The following TRIM2 variants were observed in gnomAD, a reference collection of about 807,000 sequenced individuals.
TRIM2 encodes tripartite motif-containing protein 2.
A neutral mutation model predicts 75.2 loss-of-function variants in TRIM2; 20 were observed. The ratio of observed to expected loss-of-function variants is 0.27; its 90% CI spans 0.19 to 0.39. The LOEUF (loss-of-function observed/expected upper bound fraction) is 0.39, where lower values mean the gene tolerates loss of function less well. Ranked by LOEUF, TRIM2 falls within the 10% of genes least tolerant of loss-of-function variation. The pLI is 1.00. For missense variants in TRIM2, 660 were observed against 990.8 expected, an observed-to-expected ratio of 0.67 and a Z score of 4.48; for synonymous variants, 373 against 388.3, an observed-to-expected ratio of 0.96 and a Z score of 0.46.
chr4:153,311,732 T>TC (rs2150223083), intron 6 of TRIM2, among the ~76,000 whole-genome samples: 1 of 151,348 alleles, frequency 6.6e-6, no homozygotes, highest in African/African-American at 2.4e-5. Flanking sequence ...ATCAATTTTT[T>TC]TTTTTTTTTG....
intron 1 of TRIM2, among the ~76,000 whole-genome samples, chr4:153,225,254 A>G (rs1037348719): frequency 6.6e-6 from 1 of 152,196 alleles, no homozygotes; most frequent in Non-Finnish European, 1.5e-5. Context: ...ATTCCCAAAG[A>G]CAGCTTTAGC....
chr4:153,279,871 A>G (rs193075212), intron 3 of TRIM2, among the ~76,000 whole-genome samples: 63 of 151,656 alleles, frequency 4.2e-4, no homozygotes, highest in Non-Finnish European at 7.4e-4. Flanking sequence ...TGAACCTGGG[A>G]AGCAGAGATT....
At chr4:153,229,627 A>G (rs1216070403) in intron 1 of TRIM2, among the ~76,000 whole-genome samples, 1 of 152,250 alleles carries the variant, frequency 6.6e-6, no homozygotes, top group African/African-American at 2.4e-5. Flanking sequence ...GCCTTTAAAC[A>G]TCAAGAAGGG....
chr4:153,321,796 A>G (rs886078022), intron 8 of TRIM2, among the ~76,000 whole-genome samples: 1 of 152,158 alleles, frequency 6.6e-6, no homozygotes, highest in African/African-American at 2.4e-5. Context: ...CCCTACAGTG[A>G]CTGCTTGCTG....
At chr4:153,179,535 C>T (rs1731831151) in intron 1 of TRIM2, among the ~76,000 whole-genome samples, 1 of 152,116 alleles carries the variant, frequency 6.6e-6, no homozygotes, top group Non-Finnish European at 1.5e-5. Context: ...AAATGCCGTA[C>T]CAAGACACGC....
In TRIM2 at chr4:153,248,378, G is replaced by A. The variant is rs1038549748; in HGVS notation, c.31-21957G>A. ...GTAGTCAGTACCCTTGTCATCCCCCGTACACTTGAGGTAATTGAGGAATAC... is the reference window on the plus strand; with the variant it reads ...GTAGTCAGTACCCTTGTCATCCCCCATACACTTGAGGTAATTGAGGAATAC... On this transcript the variant is annotated intron_variant, in intron 1 of 11. Coordinates refer to ENST00000338700, the MANE Select transcript of TRIM2 (RefSeq NM_015271.5). This position sits in a 1 kb window ranked among gnomAD's most constrained non-coding sequence, Gnocchi z 4.0. Among the ~76,000 whole-genome samples, 4 of 152,082 alleles carry A rather than the reference G, an allele frequency of 2.6e-5. No individual in the cohort carries two copies. The highest frequency in any genetic ancestry group is 2.0e-4 in the Admixed American group (3 of 15,266).
chr4:153,301,733 T>G (rs62323744), intron 6 of TRIM2, among the ~76,000 whole-genome samples: 35,792 of 152,148 alleles, frequency 0.24, 5,008 homozygotes, highest in South Asian at 0.37. Flanking sequence ...CTAGCACCAT[T>G]TATTGAAGAG....
At chr4:153,242,095 TG>T (rs960652283) in intron 1 of TRIM2, among the ~76,000 whole-genome samples, 1 of 152,220 alleles carries the variant, frequency 6.6e-6, no homozygotes, top group Non-Finnish European at 1.5e-5. Context: ...GCCAACCACG[TG>T]GGTCCTTTGA....
intron 1 of TRIM2, among the ~76,000 whole-genome samples, chr4:153,221,974 GGAAGGAAGGA>G (rs1398533105): frequency 1.9e-5 from 1 of 51,854 alleles, no homozygotes; most frequent in African/African-American, 6.7e-5. Flanking sequence ...GAGGAAGGGA[GGAAGGAAGGA>G]AGGGAGAGAG....
intron 1 of TRIM2, among the ~76,000 whole-genome samples, chr4:153,252,291 G>A (rs1417623680): frequency 6.6e-6 from 1 of 152,126 alleles, no homozygotes; most frequent in Non-Finnish European, 1.5e-5. Flanking sequence ...GGAGTTGCCT[G>A]ATTACTGTTC....
chr4:153,329,430 C>G (rs111419198), intron 11 of TRIM2, among the ~76,000 whole-genome samples: 2 of 151,690 alleles, frequency 1.3e-5, no homozygotes, highest in Non-Finnish European at 2.9e-5. Flanking sequence ...GAAATTAATA[C>G]GCTAAATGCT....
intron 6 of TRIM2, among the ~76,000 whole-genome samples, chr4:153,309,102 A>G (rs1482082250): frequency 6.6e-6 from 1 of 152,244 alleles, no homozygotes; most frequent in Non-Finnish European, 1.5e-5. Flanking sequence ...CTTACAGTGT[A>G]GTGAAGGATA....
chr4:153,302,336 C>A (rs1764091826), intron 6 of TRIM2, among the ~76,000 whole-genome samples: 1 of 152,128 alleles, frequency 6.6e-6, no homozygotes, highest in Admixed American at 6.5e-5. Context: ...TTCTAGGGCA[C>A]CTAGTGCCTG....
At chr4:153,166,763 C>G (rs964006669) in intron 1 of TRIM2, among the ~76,000 whole-genome samples, 1 of 152,128 alleles carries the variant, frequency 6.6e-6, no homozygotes, top group African/African-American at 2.4e-5. Flanking sequence ...GACTAAGAAG[C>G]CTCCTAAGAA....
chr4:153,158,225 G>A (rs199667746), intron 1 of TRIM2, among the ~76,000 whole-genome samples: 4 of 152,158 alleles, frequency 2.6e-5, no homozygotes, highest in Non-Finnish European at 5.9e-5. Flanking sequence ...AAAAATCAAC[G>A]AAGGGGAAAT....
intron 1 of TRIM2, among the ~76,000 whole-genome samples, chr4:153,189,094 T>C (rs1259211498): frequency 1.3e-5 from 2 of 152,114 alleles, no homozygotes; most frequent in East Asian, 3.9e-4. Flanking sequence ...CAAGCAACTC[T>C]CCCACCTCAG....
chr4:153,224,003 T>G (rs1741427838), intron 1 of TRIM2, among the ~76,000 whole-genome samples: 1 of 152,188 alleles, frequency 6.6e-6, no homozygotes, highest in Non-Finnish European at 1.5e-5. Flanking sequence ...TAAGAGTTGT[T>G]GCCTGACAAC....
chr4:153,167,602 A>G (rs1730444429), intron 1 of TRIM2, among the ~76,000 whole-genome samples: 2 of 152,204 alleles, frequency 1.3e-5, no homozygotes. Flanking sequence ...ATTTATTTTC[A>G]GTTTACCACC....
intron 1 of TRIM2, among the ~76,000 whole-genome samples, chr4:153,165,162 T>C (rs759673520): frequency 2.6e-4 from 39 of 152,180 alleles, no homozygotes; most frequent in Non-Finnish European, 5.7e-4. Flanking sequence ...CAAGATGCTA[T>C]TGTTTGGGGC....
Sources: allele counts gnomAD v4.1 joint callset (sites outside exome capture counted in the v4.1 genomes callset), GRCh38; gene constraint gnomAD v4.1.1; non-coding constraint Gnocchi (gnomAD v3.1); transcripts MANE v1.5; gene names NCBI Gene and HGNC (gene_info 2026-07-23, HGNC 2026-07-21).